Variants in FRMPD4 observed in about 807,000 individuals in gnomAD.
FRMPD4 encodes the protein FERM and PDZ domain-containing protein 4.
FRMPD4 carries 22 observed loss-of-function variants against 94.1 expected under a neutral mutation model. The observed-to-expected ratio is 0.23, with a 90% CI of 0.17 to 0.33. The LOEUF (loss-of-function observed/expected upper bound fraction) is 0.33. FRMPD4 is among the 10% of genes least tolerant of loss of function. The probability of loss-of-function intolerance (pLI) is 1.00; values close to 1 mark genes in which losing one functional copy is unlikely to be tolerated. For synonymous variants in FRMPD4, 631 were observed against 548.6 expected, an observed-to-expected ratio of 1.15 and a Z score of -2.10; for missense variants, 1,111 against 1,339.9, an observed-to-expected ratio of 0.83 and a Z score of 2.67.
At chrX:12,104,840 ACAACACC>A (rs1159545443) in intron 3 of FRMPD4, among the ~76,000 whole-genome samples, 5 of 24,709 alleles carry the variant, frequency 2.0e-4, no homozygotes, top group Non-Finnish European at 8.4e-4. Flanking sequence ...TTTGTTGAAG[ACAACACC>A]GAGTAAGTGG....
intron 3 of FRMPD4, among the ~76,000 whole-genome samples, chrX:12,000,796 A>G (rs1679678552): frequency 9.0e-6 from 1 of 111,025 alleles, no homozygotes. Context: ...GAATTACTTT[A>G]CTCATTTGGG....
chrX:11,847,167 A>C (rs1241203530), intron 1 of FRMPD4, among the ~76,000 whole-genome samples: 35 of 111,918 alleles, frequency 3.1e-4, no homozygotes, highest in African/African-American at 1.1e-3. Flanking sequence ...TGTACAATGA[A>C]CTCAAACAAA....
chrX:11,935,106 G>T, intron 3 of FRMPD4, among the ~76,000 whole-genome samples: 1 of 59,659 alleles, frequency 1.7e-5, no homozygotes, highest in Non-Finnish European at 3.1e-5. Context: ...AAATTTAACA[G>T]CTTTATTGAG....
At chrX:12,266,111 C>T (rs1398047276) in intron 1 of FRMPD4, among the ~76,000 whole-genome samples, 2 of 75,024 alleles carry the variant, frequency 2.7e-5, no homozygotes, top group African/African-American at 5.7e-5. Flanking sequence ...CCAGCCTGGG[C>T]GACACAGCGA....
Position 12,365,805 on chromosome X carries a change from A to C in FRMPD4, c.42-132875A>C, listed in dbSNP as rs767875726. Among the ~76,000 whole-genome samples, 4 of 111,802 alleles carry C rather than the reference A, an allele frequency of 3.6e-5. No homozygotes were observed. The South Asian group carries it at 1.1e-3, about 32-fold the overall frequency. On this transcript the variant is annotated intron_variant, in intron 1 of 16. Transcript: ENST00000675598. ...GTTTTTATTTTCTGTGTCTTGTCTC[A>C]AGTTTTCCACCTTATTTCTGCCTTC...
At chrX:11,887,054 GAT>G (rs1432622509) in intron 3 of FRMPD4, among the ~76,000 whole-genome samples, 1 of 111,496 alleles carries the variant, frequency 9.0e-6, no homozygotes, top group African/African-American at 3.3e-5. Context: ...TCTCCACCAA[GAT>G]ATAGGTACTC....
chrX:11,832,534 A>C (rs952470881), intron 1 of FRMPD4, among the ~76,000 whole-genome samples: 10 of 111,731 alleles, frequency 9.0e-5, no homozygotes, highest in African/African-American at 3.2e-4. Flanking sequence ...TGGTCTCTTG[A>C]TATCAAACAG....
intron 1 of FRMPD4, among the ~76,000 whole-genome samples, chrX:12,299,921 A>C: frequency 8.9e-6 from 1 of 112,510 alleles, no homozygotes; most frequent in Admixed American, 9.4e-5. Flanking sequence ...TTCTTAAAGT[A>C]GGGGATAATC....
At chrX:12,172,407 G>C (rs1250814436) in intron 1 of FRMPD4, among the ~76,000 whole-genome samples, 1 of 111,596 alleles carries the variant, frequency 9.0e-6, no homozygotes, top group Non-Finnish European at 1.9e-5. Context: ...ATGAAGTTCA[G>C]ATCTCAAGTC....
intron 3 of FRMPD4, among the ~76,000 whole-genome samples, chrX:11,902,081 C>G (rs1296859997): frequency 8.9e-6 from 1 of 112,315 alleles, no homozygotes; most frequent in Non-Finnish European, 1.9e-5. Context: ...ATTTCTTTTG[C>G]TGCGTAGAAC....
At chrX:12,104,006 A>T (rs1162621869) in intron 3 of FRMPD4, among the ~76,000 whole-genome samples, 1 of 112,092 alleles carries the variant, frequency 8.9e-6, no homozygotes, top group Non-Finnish European at 1.9e-5. Context: ...AGAGCATAGT[A>T]CTAGCCTCTG....
At chrX:12,635,694 G>T (rs1426814241) in intron 4 of FRMPD4, among the ~76,000 whole-genome samples, 1 of 111,543 alleles carries the variant, frequency 9.0e-6, no homozygotes, top group Non-Finnish European at 1.9e-5. Flanking sequence ...GGGAAAGGTT[G>T]GTTCTGCAAA....
chrX:12,266,399 C>CTTA (rs2054277664), intron 1 of FRMPD4, among the ~76,000 whole-genome samples: 1 of 111,191 alleles, frequency 9.0e-6, no homozygotes, highest in Non-Finnish European at 1.9e-5. Context: ...CCTTATGATT[C>CTTA]TTATCCTTCT....
At chrX:11,927,247 A>G (rs997404035) in intron 3 of FRMPD4, among the ~76,000 whole-genome samples, 1 of 112,086 alleles carries the variant, frequency 8.9e-6, no homozygotes, top group Non-Finnish European at 1.9e-5. Flanking sequence ...GAAATCAGAC[A>G]TGATGCAAAC....
In FRMPD4 at chrX:12,563,294, AG is replaced by A. The variant is rs771357064; in HGVS notation, c.159-46426del. Among the ~76,000 whole-genome samples the A allele has an allele frequency of 3.1e-3, 341 of 110,633 alleles. 2 individuals are homozygous for A. The highest frequency in any genetic ancestry group is 0.011 in the African/African-American group (329 of 30,029). On this transcript the variant is annotated intron_variant, in intron 2 of 16. Transcript: ENST00000675598. ...CACACATACCAGACCTCTGAATCAG[AG>A]ACAGACTGCTCACAGAGCTTTTCCC... is the stretch of plus-strand genomic sequence containing the variant.
At chrX:11,850,002 G>T (rs1327225669) in intron 1 of FRMPD4, among the ~76,000 whole-genome samples, 1 of 111,775 alleles carries the variant, frequency 8.9e-6, no homozygotes, top group Admixed American at 9.5e-5. Context: ...CCTATGGAAT[G>T]GGAGAAAATA....
At chrX:12,598,134 G>A (rs755801714) in intron 2 of FRMPD4, among the ~76,000 whole-genome samples, 5 of 111,682 alleles carry the variant, frequency 4.5e-5, no homozygotes, top group Non-Finnish European at 9.4e-5. Context: ...AGTATTTATT[G>A]TTCTTGGAGA....
chrX:12,271,428 G>A (rs187030382), intron 1 of FRMPD4, among the ~76,000 whole-genome samples: 9 of 112,056 alleles, frequency 8.0e-5, no homozygotes, highest in African/African-American at 2.9e-4. Context: ...TGGTACCAGA[G>A]ATTAGCTTTG....
intron 1 of FRMPD4, among the ~76,000 whole-genome samples, chrX:11,824,065 C>G (rs2053426546): frequency 9.0e-6 from 1 of 111,581 alleles, no homozygotes; most frequent in Non-Finnish European, 1.9e-5. Context: ...AAAAACTTTC[C>G]CAGATGAGAT....
Sources: gnomAD v4.1 joint callset for allele counts (sites outside exome capture counted in the v4.1 genomes callset) on GRCh38, gnomAD v4.1.1 for gene constraint, MANE v1.5 for transcripts, NCBI Gene and HGNC (gene_info 2026-07-23, HGNC 2026-07-21) for gene names.